The following RIN2 variants were observed in gnomAD, a reference collection of about 807,000 sequenced individuals.
RIN2 encodes the protein Ras and Rab interactor 2.
A neutral mutation model predicts 78.0 loss-of-function variants in RIN2; 36 were observed. The observed-to-expected ratio is 0.46, with a 90% CI of 0.35 to 0.61. The LOEUF (loss-of-function observed/expected upper bound fraction) is 0.61, where lower values mean the gene tolerates loss of function less well. RIN2 is among the 20% of genes least tolerant of loss of function. The pLI, the probability that RIN2 is intolerant of heterozygous loss-of-function variation, is 0.00. For synonymous variants in RIN2, 466 were observed against 466.8 expected (o/e 1.00, Z 0.02); for missense variants, 1,087 against 1,159.7 (o/e 0.94, Z 0.91).
chr20:19,794,569 C>A (rs1453441188), intron 1 of RIN2, among the ~76,000 whole-genome samples: 13 of 143,436 alleles, frequency 9.1e-5, no homozygotes, highest in African/African-American at 3.3e-4. Flanking sequence ...TACAGTGATA[C>A]TAGGTAATGA....
chr20:19,853,045 ATG>A (rs2037040791), intron 2 of RIN2, among the ~76,000 whole-genome samples: 1 of 81,464 alleles, frequency 1.2e-5, no homozygotes, highest in South Asian at 4.6e-4. Context: ...CCCCCACCCC[ATG>A]ACAGGCCCCA....
chr20:19,843,911 A>T (rs2036655623), intron 2 of RIN2, among the ~76,000 whole-genome samples: 1 of 152,242 alleles, frequency 6.6e-6, no homozygotes, highest in Admixed American at 6.5e-5. Context: ...TAAAGAATAC[A>T]TTTTATCCTT....
intron 9 of RIN2, among the ~76,000 whole-genome samples, chr20:19,986,491 T>G (rs999433193): frequency 7.9e-5 from 12 of 152,162 alleles, no homozygotes; most frequent in Non-Finnish European, 1.5e-4. Context: ...TGGCAATTGG[T>G]CCTAGGTTTC....
intron 2 of RIN2, among the ~76,000 whole-genome samples, chr20:19,832,108 A>G (rs2036267303): frequency 6.6e-6 from 1 of 151,868 alleles, no homozygotes; most frequent in African/African-American, 2.4e-5. Flanking sequence ...TTGCAACTAA[A>G]GGGGACGTGA....
At chr20:19,766,343 A>G (rs1397456322) in intron 1 of RIN2, among the ~76,000 whole-genome samples, 1 of 152,218 alleles carries the variant, frequency 6.6e-6, no homozygotes, top group Non-Finnish European at 1.5e-5. Flanking sequence ...ACACTTTAGT[A>G]TCAGCTTAGG....
intron 8 of RIN2, among the ~76,000 whole-genome samples, chr20:19,972,658 C>T (rs535213431): frequency 3.9e-5 from 6 of 152,314 alleles, no homozygotes; most frequent in African/African-American, 1.4e-4. Flanking sequence ...TCCCCTCTCA[C>T]TCCCTGTGCC....
At chr20:19,933,731 G>T (rs1371661321) in intron 3 of RIN2, among the ~76,000 whole-genome samples, 1 of 152,142 alleles carries the variant, frequency 6.6e-6, no homozygotes, top group Non-Finnish European at 1.5e-5. Flanking sequence ...CCTGAGACAA[G>T]ACAACATTTC....
chr20:19,833,296 TTTTAAC>T (rs2036306428), intron 2 of RIN2, among the ~76,000 whole-genome samples: 1 of 152,034 alleles, frequency 6.6e-6, no homozygotes, highest in Non-Finnish European at 1.5e-5. Context: ...TATATATATA[TTTTAAC>T]TTTAAGTTCC....
intron 9 of RIN2, among the ~76,000 whole-genome samples, chr20:19,987,332 T>C (rs1457131022): frequency 6.6e-6 from 1 of 152,242 alleles, no homozygotes; most frequent in Non-Finnish European, 1.5e-5. Context: ...GACCCTATTT[T>C]AACCAAGTAG....
At chr20:19,917,794 G>A (rs552173207) in intron 3 of RIN2, among the ~76,000 whole-genome samples, 3 of 152,208 alleles carry the variant, frequency 2.0e-5, no homozygotes, top group South Asian at 2.1e-4. Context: ...TTTTAAAGGC[G>A]GAATAGCATT....
At position 19,802,836 on chromosome 20, in the gene RIN2, G is replaced by A. The variant is rs147572876; in HGVS notation, c.-37+3089G>A. On this transcript the variant is annotated intron_variant, in intron 2 of 12. Transcript: ENST00000255006. ...GCCCTAGTCATCTGCATACCTGAGCGAAGTCTTCCAGCCCCTGCTGGACCC... is the reference window on the plus strand; with the variant it reads ...GCCCTAGTCATCTGCATACCTGAGCAAAGTCTTCCAGCCCCTGCTGGACCC... 4.1e-4 allele frequency among the ~76,000 whole-genome samples: 63 copies of A among 152,224 alleles called. 1 individual carries two copies. The East Asian group carries it at 0.011, about 27-fold the overall frequency.
rs140825677 is a variant in RIN2, at chr20:19,949,017, C to T, written c.159-7598C>T. 2.5e-3 allele frequency among the ~76,000 whole-genome samples: 382 copies of T among 151,404 alleles called. 1 individual carries two copies. The highest frequency in any genetic ancestry group is 0.01 in the Middle Eastern group (3 of 292). On this transcript the variant is annotated intron_variant, in intron 4 of 12. Coordinates refer to ENST00000255006, the MANE Select transcript of RIN2 (RefSeq NM_018993.4). ...AATCTAGGCTGTACACCGTGGCTCA[C>T]GCCTGTAATCCCAGCACTTTGGGAG... is the stretch of plus-strand genomic sequence containing the variant.
intron 2 of RIN2, among the ~76,000 whole-genome samples, chr20:19,837,211 CAG>C (rs1555830253): frequency 9.0e-5 from 13 of 143,656 alleles, no homozygotes; most frequent in East Asian, 2.2e-4. Flanking sequence ...CACACACACA[CAG>C]AGTGAATTAC....
intron 12 of RIN2, 43 bp downstream of exon 12, chr20:19,996,885 A>G: frequency 6.6e-7 from 1 of 1,523,052 alleles, no homozygotes; most frequent in East Asian, 2.4e-5. Context: ...TCCTCCAGGA[A>G]TGCGGAGCTG....
intron 2 of RIN2, among the ~76,000 whole-genome samples, chr20:19,816,149 C>G (rs2035760977): frequency 6.6e-6 from 1 of 152,176 alleles, no homozygotes; most frequent in African/African-American, 2.4e-5. Context: ...ATACTTTTAT[C>G]TAACTTCCTT....
At chr20:19,984,493 G>C (rs769309998) in intron 9 of RIN2, among the ~76,000 whole-genome samples, 1 of 152,142 alleles carries the variant, frequency 6.6e-6, no homozygotes, top group African/African-American at 2.4e-5. Flanking sequence ...GGGGCCAGGC[G>C]TGGTGGCTCA....
intron 4 of RIN2, among the ~76,000 whole-genome samples, chr20:19,946,554 C>G (rs1264330558): frequency 1.3e-5 from 2 of 151,802 alleles, no homozygotes; most frequent in Non-Finnish European, 2.9e-5. Flanking sequence ...CCCGTCTCTA[C>G]TAAAAATGCA....
chr20:19,953,898 A>T (rs1212430031), intron 4 of RIN2, among the ~76,000 whole-genome samples: 1 of 152,272 alleles, frequency 6.6e-6, no homozygotes, highest in Non-Finnish European at 1.5e-5. Context: ...TGGCATTTGC[A>T]GAAGGAGAAA....
At position 19,956,892 on chromosome 20, in the gene RIN2, A is replaced by G; in HGVS notation, c.351+85A>G. The G allele has an allele frequency of 3.3e-6, 4 of 1,208,056 alleles. No individual in the cohort carries two copies. The Admixed American group carries it at 1.1e-4, about 35-fold the overall frequency. The allele number at this position is 1,208,056 out of a possible 1,614,324, so 74.8% of individuals were successfully genotyped here. On this transcript the variant is annotated intron_variant, in intron 5 of 12. Coordinates refer to ENST00000255006, the MANE Select transcript of RIN2 (RefSeq NM_018993.4). ...AAAAACACTTGGAGTTAGTTCCAGAAATTTCTTCCTAGCTTGTAAGGAGCA... is the reference window on the plus strand; with the variant it reads ...AAAAACACTTGGAGTTAGTTCCAGAGATTTCTTCCTAGCTTGTAAGGAGCA...
Sources: allele counts gnomAD v4.1 joint callset (sites outside exome capture counted in the v4.1 genomes callset), GRCh38; gene constraint gnomAD v4.1.1; transcripts MANE v1.5; gene names NCBI Gene and HGNC (gene_info 2026-07-23, HGNC 2026-07-21).